Variants in TMEM123 observed in about 807,000 individuals in gnomAD.
TMEM123 encodes the protein porimin.
A neutral mutation model predicts 19.7 loss-of-function variants in TMEM123; 16 were observed. The observed-to-expected ratio is 0.81, with a 90% CI of 0.55 to 1.23. The LOEUF (loss-of-function observed/expected upper bound fraction) is 1.23, where lower values mean the gene tolerates loss of function less well. Ranked by LOEUF, TMEM123 falls within the 50% of genes most tolerant of loss-of-function variation. The pLI is 0.00. For missense variants in TMEM123, 313 were observed against 257.8 expected, an observed-to-expected ratio of 1.21 and a Z score of -1.47; for synonymous variants, 118 against 99.4, an observed-to-expected ratio of 1.19 and a Z score of -1.12.
chr11:102,417,349 A>G (rs1217257407), intron 2 of TMEM123, among the ~76,000 whole-genome samples: 1 of 152,168 alleles, frequency 6.6e-6, no homozygotes, highest in Non-Finnish European at 1.5e-5. Flanking sequence ...CTATACACCA[A>G]TAATGCCCAA....
chr11:102,446,433 C>G (rs914145710), intron 2 of TMEM123, among the ~76,000 whole-genome samples: 3 of 152,136 alleles, frequency 2.0e-5, no homozygotes, highest in Non-Finnish European at 2.9e-5. Context: ...AACCTTTATT[C>G]CTATTGACTT....
At chr11:102,431,343 G>A (rs927387447) in intron 2 of TMEM123, among the ~76,000 whole-genome samples, 2 of 152,136 alleles carry the variant, frequency 1.3e-5, no homozygotes, top group Non-Finnish European at 2.9e-5. Context: ...AATACATGTA[G>A]AATAATTTAA....
chr11:102,401,551 C>T lies in TMEM123; in HGVS notation c.590G>A (p.Arg197Gln), dbSNP rs779232656. The change falls in exon 4 of 5, where the codon CGG (arginine) becomes CAG (glutamine). Residue 197 changes from arginine to glutamine, a missense_variant. Arg to Gln is a conservative substitution (Grantham distance 43, BLOSUM62 1). Transcript: ENST00000398136. ...CKMYYSRRGI[R>Q]YRTIDEHDAI... ...ATTCAAAACTTACATGGTTCGATAC[C>T]GAATGCCTCTTCTTGAGTAATACAT... The T allele has an allele frequency of 5.1e-6, 8 of 1,582,058 alleles. No individual in the cohort carries two copies. Among genetic ancestry groups the T allele is most frequent in the African/African-American group, 1.4e-5 (1 of 72,716 alleles).
chr11:102,421,271 C>A (rs557343391), intron 2 of TMEM123, among the ~76,000 whole-genome samples: 7 of 152,166 alleles, frequency 4.6e-5, no homozygotes, highest in African/African-American at 1.7e-4. Flanking sequence ...ACTTCTCATA[C>A]TCTAAAATAT....
intron 2 of TMEM123, among the ~76,000 whole-genome samples, chr11:102,423,770 GT>G (rs1296437665): frequency 6.6e-6 from 1 of 152,042 alleles, no homozygotes. Context: ...TGCCTTTTTT[GT>G]ACAGTCACAC....
rs1157784774 is a variant in TMEM123, at chr11:102,419,916, A to T, written c.158-17710T>A. ...AATGAACTGCTTCTCCCTTGTTTTAAGCCTTGAAATATTAATCCAGGAAAT... is the reference window on the plus strand; with the variant it reads ...AATGAACTGCTTCTCCCTTGTTTTATGCCTTGAAATATTAATCCAGGAAAT... On this transcript the variant is annotated intron_variant, in intron 2 of 4. Coordinates refer to ENST00000398136, the MANE Select transcript of TMEM123 (RefSeq NM_052932.3). Among the ~76,000 whole-genome samples the T allele has an allele frequency of 3.9e-5, 6 of 152,236 alleles. No individual in the cohort carries two copies. In the East Asian group the frequency reaches 1.2e-3, roughly 29 times the overall value.
intron 2 of TMEM123, among the ~76,000 whole-genome samples, chr11:102,414,261 A>C (rs1255035081): frequency 2.0e-5 from 3 of 152,220 alleles, no homozygotes; most frequent in East Asian, 1.9e-4. Flanking sequence ...GAAAACAAGC[A>C]ATCTGGAAAA....
At chr11:102,406,144 AG>A (rs201580647) in intron 2 of TMEM123, among the ~76,000 whole-genome samples, 1,709 of 152,266 alleles carry the variant, frequency 0.011, 32 homozygotes, top group African/African-American at 0.039. Flanking sequence ...GGGACTTGCA[AG>A]GGGTGAAGCT....
chr11:102,401,497 C>T (rs751286106), intron 4 of TMEM123, 42 bp downstream of exon 4: 4 of 1,509,586 alleles, frequency 2.6e-6, no homozygotes, highest in African/African-American at 2.8e-5. Context: ...AAGATGTGCA[C>T]CAACAATTTT....
At chr11:102,404,587 A>G (rs948779853) in intron 2 of TMEM123, among the ~76,000 whole-genome samples, 2 of 149,450 alleles carry the variant, frequency 1.3e-5, no homozygotes, top group Non-Finnish European at 3.0e-5. Flanking sequence ...CCTGGCCCCT[A>G]TATGTATTTA....
chr11:102,416,035 C>T (rs1045818373), intron 2 of TMEM123, among the ~76,000 whole-genome samples: 2 of 152,146 alleles, frequency 1.3e-5, no homozygotes, highest in African/African-American at 4.8e-5. Flanking sequence ...CTGCCTCGGC[C>T]TCCCAAGTAC....
chr11:102,414,536 C>G (rs1952029217), intron 2 of TMEM123, among the ~76,000 whole-genome samples: 1 of 152,176 alleles, frequency 6.6e-6, no homozygotes, highest in Admixed American at 6.5e-5. Flanking sequence ...AGATTGGGGG[C>G]CTATATTCGG....
chr11:102,425,177 GGCACAGTCATCTTCTGTGTA>G (rs1488165457), intron 2 of TMEM123, among the ~76,000 whole-genome samples: 2 of 152,140 alleles, frequency 1.3e-5, no homozygotes, highest in Non-Finnish European at 2.9e-5. Context: ...CTGAAATTGT[GGCACAGTCATCTTCTGTGTA>G]GCTCTTTTTT....
At chr11:102,452,377 C>T (rs1469087272) in intron 1 of TMEM123, 147 bp downstream of exon 1, 1 of 615,770 alleles carries the variant, frequency 1.6e-6, no homozygotes, top group African/African-American at 1.9e-5. Context: ...CAGTTTCCCC[C>T]ACCCCGCCCG....
chr11:102,431,154 T>C (rs1054696861), intron 2 of TMEM123, among the ~76,000 whole-genome samples: 1 of 152,180 alleles, frequency 6.6e-6, no homozygotes, highest in East Asian at 1.9e-4. Context: ...AAACTAAAAA[T>C]AGTCGGTGGG....
chr11:102,445,458 T>C (rs1319866356), intron 2 of TMEM123, among the ~76,000 whole-genome samples: 5 of 152,232 alleles, frequency 3.3e-5, no homozygotes, highest in East Asian at 1.9e-4. Flanking sequence ...GTCAGGCCAA[T>C]TGGTTCCTGT....
intron 2 of TMEM123, among the ~76,000 whole-genome samples, chr11:102,422,384 G>A (rs778909889): frequency 1.3e-5 from 2 of 152,126 alleles, no homozygotes; most frequent in Non-Finnish European, 2.9e-5. Context: ...TGAGGCAGGA[G>A]AATCGCTTGA....
rs867675728 is a variant in TMEM123, at chr11:102,412,526, T to C, written c.158-10320A>G. On this transcript the variant is annotated intron_variant, in intron 2 of 4. Coordinates refer to ENST00000398136, the MANE Select transcript of TMEM123 (RefSeq NM_052932.3). ...AGTAATACAACTTAAATATAAGATA[T>C]AGAAATGCTAAAAAGTATTGAAAGT... Among the ~76,000 whole-genome samples the C allele has an allele frequency of 1.4e-4, 21 of 152,142 alleles. No individual in the cohort carries two copies. The South Asian group carries it at 1.9e-3, about 14-fold the overall frequency.
rs10895296 is a variant in TMEM123, at chr11:102,452,646, A to G, written c.-23T>C. ...CATTGTTCCGAGGGCAGGATGCGGCAGCCTCGTGGGCTCCCAGCCGAGGTG... is the reference window on the plus strand; with the variant it reads ...CATTGTTCCGAGGGCAGGATGCGGCGGCCTCGTGGGCTCCCAGCCGAGGTG... On this transcript the variant is annotated 5_prime_UTR_variant, in exon 1 of 5. Coordinates refer to ENST00000398136, the MANE Select transcript of TMEM123 (RefSeq NM_052932.3). 107,773 of 1,472,534 alleles carry G rather than the reference A, an allele frequency of 0.073. 5,093 individuals carry two copies. The highest frequency in any genetic ancestry group is 0.21 in the African/African-American group (14,841 of 69,634). The allele number at this position is 1,472,534 out of a possible 1,614,324, so 91.2% of individuals were successfully genotyped here. A position where few individuals can be genotyped will look rare whatever the true frequency, so the allele number is the denominator to read the frequency against.
Sources: gnomAD v4.1 joint callset for allele counts (sites outside exome capture counted in the v4.1 genomes callset) on GRCh38, gnomAD v4.1.1 for gene constraint, MANE v1.5 for transcripts, NCBI Gene and HGNC (gene_info 2026-07-23, HGNC 2026-07-21) for gene names.